UBR2: variants seen among roughly 807,000 people sequenced by gnomAD.
UBR2 encodes the protein ubiquitin protein ligase E3 component n-recognin 2.
Under a neutral mutation model 247.9 loss-of-function variants are expected in UBR2, and 92 were observed. That is an observed-to-expected ratio of 0.37 (90% CI 0.31 to 0.44). UBR2 has a LOEUF of 0.44. Among genes scored for constraint, UBR2 ranks in the 20% least tolerant of loss-of-function variants. The pLI, the probability that UBR2 is intolerant of heterozygous loss-of-function variation, is 1.00. For missense variants in UBR2, 1,613 were observed against 2,112.6 expected, an observed-to-expected ratio of 0.76 and a Z score of 4.64; for synonymous variants, 672 against 693.5, an observed-to-expected ratio of 0.97 and a Z score of 0.49.
At position 42,605,718 on chromosome 6, in the gene UBR2, CAGAG is replaced by C. The variant is rs760051799; in HGVS notation, c.664_667del (p.Glu222ArgfsTer42). On this transcript the variant is annotated splice_acceptor_variant and coding_sequence_variant, in exon 6 of 47. Coordinates refer to ENST00000372901, the MANE Select transcript of UBR2 (RefSeq NM_001363705.2). LOFTEE classifies it high-confidence loss of function. Reference sequence around the variant, plus strand: ...AATATATCATGAATATTTTATCACACAGAGAGAAGAGTGACACCTACTATTGCAT... The same window carrying C: ...AATATATCATGAATATTTTATCACACAGAAGAGTGACACCTACTATTGCAT... 2.5e-6 allele frequency: 4 copies of C among 1,593,416 alleles called. No individual in the cohort carries two copies. Among genetic ancestry groups the C allele is most frequent in the African/African-American group, 1.4e-5 (1 of 73,534 alleles).
In UBR2 at chr6:42,681,105, G is replaced by A. The variant is rs1799020025; in HGVS notation, c.4718+1273G>A. 2.0e-5 allele frequency among the ~76,000 whole-genome samples: 3 copies of A among 150,600 alleles called. No homozygotes were observed. In the South Asian group the frequency reaches 6.3e-4, roughly 32 times the overall value. On this transcript the variant is annotated intron_variant, in intron 42 of 46. Transcript: ENST00000372901. ...GTGAACCCGGGAGGCGGAGCTTGCA[G>A]TGAGCCGAGATCATGCCACTGCACT...
At chr6:42,666,130 T>G (rs1331816267) in intron 33 of UBR2, 37 bp from the exon 34 acceptor site, 2 of 1,534,714 alleles carry the variant, frequency 1.3e-6, no homozygotes, top group Non-Finnish European at 1.8e-6. Context: ...AATATTGTCA[T>G]CTATTGAATA....
At chr6:42,605,037 C>CA (rs934525274) in intron 5 of UBR2, among the ~76,000 whole-genome samples, 3 of 151,054 alleles carry the variant, frequency 2.0e-5, no homozygotes, top group South Asian at 2.1e-4. Context: ...AAAAAAAAAA[C>CA]AAAAAACAAA....
At chr6:42,666,360 G>T in intron 34 of UBR2, 115 bp downstream of exon 34, 3 of 799,478 alleles carry the variant, frequency 3.8e-6, no homozygotes, top group South Asian at 1.9e-5. Context: ...ATAGGATACT[G>T]ATCTTTAGTT....
intron 11 of UBR2, among the ~76,000 whole-genome samples, chr6:42,619,047 C>T (rs1351028552): frequency 6.6e-6 from 1 of 152,072 alleles, no homozygotes; most frequent in East Asian, 1.9e-4. Context: ...CTGTGCTTCC[C>T]TCCTTCATTG....
At chr6:42,677,516 C>T (rs1798782489) in intron 40 of UBR2, among the ~76,000 whole-genome samples, 1 of 152,128 alleles carries the variant, frequency 6.6e-6, no homozygotes, top group Non-Finnish European at 1.5e-5. Flanking sequence ...GGTGTCTCAC[C>T]CCTATAATCC....
intron 11 of UBR2, among the ~76,000 whole-genome samples, chr6:42,618,116 C>T (rs977755770): frequency 6.6e-6 from 1 of 152,120 alleles, no homozygotes; most frequent in Admixed American, 6.6e-5. Context: ...CAAATGTGAC[C>T]CTTCCCTCAT....
chr6:42,681,976 A>C (rs1799083894), intron 42 of UBR2, among the ~76,000 whole-genome samples: 1 of 152,236 alleles, frequency 6.6e-6, no homozygotes. Context: ...CGGGAGGCTG[A>C]GGCAGGAGAA....
chr6:42,658,883 T>C, intron 29 of UBR2, 59 bp downstream of exon 29: 1 of 1,465,824 alleles, frequency 6.8e-7, no homozygotes, highest in East Asian at 2.5e-5. Flanking sequence ...CTAGGGGCAG[T>C]GTTGCGTTTT....
At chr6:42,601,578 C>A (rs1793359183) in intron 4 of UBR2, among the ~76,000 whole-genome samples, 1 of 151,340 alleles carries the variant, frequency 6.6e-6, no homozygotes, top group Non-Finnish European at 1.5e-5. Context: ...ATCCCAGCTA[C>A]TCAGGAGGCT....
chr6:42,648,122 A>T lies in UBR2; in HGVS notation c.2414A>T (p.Asn805Ile), dbSNP rs1239889321. Residue 805 changes from asparagine to isoleucine, a missense_variant, in exon 22 of 47, where the codon AAC becomes ATC. By Grantham distance (149) the Asn-to-Ile change is moderately radical. Coordinates refer to ENST00000372901, the MANE Select transcript of UBR2 (RefSeq NM_001363705.2). ...ACTTGTGTCCTGTACCTTTAGGAGA[A>T]CAAGGAGACTGGCATGGAGAGTGTA... ...ELVKSLPEDENKETGMESVIE... is the reference protein window; with the variant it reads ...ELVKSLPEDEIKETGMESVIE... 6.2e-7 allele frequency: 1 copy of T among 1,613,818 alleles called. No individual in the cohort carries two copies. The highest frequency in any genetic ancestry group is 8.5e-7 in the Non-Finnish European group (1 of 1,179,720).
Position 42,564,346 on chromosome 6 carries a change from G to T in UBR2, c.27G>T (p.Val9=). The change falls in exon 1 of 47, where the codon GTG becomes GTT. Residue 9 remains valine, a synonymous_variant. Coordinates refer to ENST00000372901, the MANE Select transcript of UBR2 (RefSeq NM_001363705.2). MASELEPE[V]QAIDRSLLEC... ...TGGCGTCGGAGCTAGAGCCAGAGGT[G>T]CAGGCCATCGACCGGAGCTTGCTGG... 6.2e-7 allele frequency: 1 copy of T among 1,612,376 alleles called. No homozygotes were observed.
At chr6:42,620,543 T>C (rs943211635) in intron 11 of UBR2, among the ~76,000 whole-genome samples, 1 of 150,508 alleles carries the variant, frequency 6.6e-6, no homozygotes, top group African/African-American at 2.5e-5. Context: ...TCCCCCAGGC[T>C]GGAGTGCAGT....
At chr6:42,661,681 T>C (rs539637564) in intron 30 of UBR2, among the ~76,000 whole-genome samples, 21 of 152,310 alleles carry the variant, frequency 1.4e-4, no homozygotes, top group African/African-American at 4.6e-4. Context: ...AGATTTTTTG[T>C]TGTCACTTTG....
In UBR2 at chr6:42,640,206, C is replaced by A. The variant is rs780890548; in HGVS notation, c.1859-3C>A. The A allele has an allele frequency of 3.1e-6, 5 of 1,598,524 alleles. No individual in the cohort carries two copies. The East Asian group carries it at 1.1e-4, about 36-fold the overall frequency. ...ACTGTTTTTTGTTTGTTCTTTCATG[C>A]AGGTTTACATGTATTATTAAGCAAA... is the stretch of plus-strand genomic sequence containing the variant. On this transcript the variant is annotated splice_polypyrimidine_tract_variant and splice_region_variant and intron_variant, in intron 15 of 46. Coordinates refer to ENST00000372901, the MANE Select transcript of UBR2 (RefSeq NM_001363705.2).
intron 36 of UBR2, 36 bp downstream of exon 36, chr6:42,670,751 G>T: frequency 1.9e-6 from 3 of 1,554,198 alleles, no homozygotes; most frequent in South Asian, 2.4e-5. Context: ...TGATAGTGGG[G>T]CATGGAAATT....
Position 42,659,283 on chromosome 6 carries a change from G to C in UBR2, c.3243-373G>C, listed in dbSNP as rs943539139. Among the ~76,000 whole-genome samples the C allele has an allele frequency of 6.6e-6, 1 of 151,752 alleles. No individual in the cohort carries two copies. Among genetic ancestry groups the C allele is most frequent in the Non-Finnish European group, 1.5e-5 (1 of 67,928 alleles). ...GGCCAAGGCGGGCGGATCACAAGGTGAGGAGTTCGAGACCAGCCTGACCAA... is the reference window on the plus strand; with the variant it reads ...GGCCAAGGCGGGCGGATCACAAGGTCAGGAGTTCGAGACCAGCCTGACCAA... On this transcript the variant is annotated intron_variant, in intron 29 of 46. Transcript: ENST00000372901. This position sits in a 1 kb window ranked among gnomAD's most constrained non-coding sequence, Gnocchi z 4.3.
At chr6:42,624,129 GTTTGT>G (rs936623516) in intron 11 of UBR2, among the ~76,000 whole-genome samples, 21 of 140,064 alleles carry the variant, frequency 1.5e-4, no homozygotes, top group South Asian at 2.2e-4. Flanking sequence ...TTTTTTGTTT[GTTTGT>G]TTTGTTTTGT....
Position 42,582,790 on chromosome 6 carries a change from A to G in UBR2, c.338+8797A>G, listed in dbSNP as rs1791994784. ...ATACTATTTAAATATCTGCCAGCAT[A>G]TACTACATAGACTGTTTAATTTGCC... On this transcript the variant is annotated intron_variant, in intron 2 of 46. Transcript: ENST00000372901. Among the ~76,000 whole-genome samples, 5 of 152,292 alleles carry G rather than the reference A, an allele frequency of 3.3e-5. No individual in the cohort carries two copies. In the South Asian group the frequency reaches 8.3e-4, roughly 25 times the overall value.
Sources: allele counts gnomAD v4.1 joint callset (sites outside exome capture counted in the v4.1 genomes callset), GRCh38; gene constraint gnomAD v4.1.1; non-coding constraint Gnocchi (gnomAD v3.1); transcripts MANE v1.5; gene names NCBI Gene and HGNC (gene_info 2026-07-23, HGNC 2026-07-21).